COL16A1: variants seen among roughly 807,000 people sequenced by gnomAD.
COL16A1 encodes the protein collagen alpha-1(XVI) chain.
A neutral mutation model predicts 266.3 loss-of-function variants in COL16A1; 189 were observed. That is an observed-to-expected ratio of 0.71 (90% CI 0.63 to 0.80). COL16A1 has a LOEUF of 0.80. Ranked by LOEUF, COL16A1 falls within the 30% of genes least tolerant of loss-of-function variation. The probability of loss-of-function intolerance (pLI) is 0.00; values close to 1 mark genes in which losing one functional copy is unlikely to be tolerated. For missense variants in COL16A1, 1,928 were observed against 2,122.4 expected (o/e 0.91, Z 1.80); for synonymous variants, 740 against 782.3 (o/e 0.95, Z 0.90).
intron 37 of COL16A1, 92 bp from the exon 38 acceptor site, chr1:31,681,159 G>A (rs954126022): frequency 5.4e-6 from 8 of 1,493,178 alleles, no homozygotes; most frequent in Admixed American, 4.7e-5. Flanking sequence ...ACAAACAGAA[G>A]CAGCGCCAGG....
Position 31,688,822 on chromosome 1 carries a change from G to A in COL16A1, c.1767+39C>T, listed in dbSNP as rs1644115889. 3 of 1,577,852 alleles carry A rather than the reference G, an allele frequency of 1.9e-6. No individual in the cohort carries two copies. In the East Asian group the frequency reaches 6.9e-5, roughly 36 times the overall value. On this transcript the variant is annotated intron_variant, in intron 25 of 70. Transcript: ENST00000373672. The surrounding 1 kb of genome is among the most constrained non-coding windows in gnomAD (Gnocchi z 4.9). The stretch of plus-strand genomic sequence containing the variant: ...GGGAGATCAACAGTATGGCAAGGAT[G>A]GCTGAACTGGGCTGGGCTGGGAGAA...
intron 44 of COL16A1, 113 bp downstream of exon 44, chr1:31,674,894 C>T: frequency 6.7e-7 from 1 of 1,497,306 alleles, no homozygotes; most frequent in Non-Finnish European, 9.0e-7. Flanking sequence ...ATGCGTATTC[C>T]CTGCAAACTG....
rs758350041 is a variant in COL16A1 at position 31,679,650 on chromosome 1, A to AG, written c.2753dup (p.Gly919TrpfsTer30). Reference sequence around the variant, plus strand: ...CCTTTACCTGCAGCCCAGGTACTCCAGGGGGGCCTGGTGGTCCGGGAATAC... The same window carrying AG: ...CCTTTACCTGCAGCCCAGGTACTCCAGGGGGGGCCTGGTGGTCCGGGAATAC... On this transcript the variant is annotated frameshift_variant, in exon 42 of 71. Transcript: ENST00000373672. LOFTEE classifies it high-confidence loss of function. 3.1e-6 allele frequency: 5 copies of AG among 1,614,132 alleles called. 1 individual carries two copies. The highest frequency in any genetic ancestry group is 8.5e-7 in the Non-Finnish European group (1 of 1,180,006).
In COL16A1 at chr1:31,670,608, T is replaced by G; in HGVS notation, c.3189A>C (p.Gly1063=). 1.4e-6 allele frequency: 2 copies of G among 1,406,842 alleles called. No homozygotes were observed. Among genetic ancestry groups the G allele is most frequent in the Non-Finnish European group, 1.8e-6 (2 of 1,082,562 alleles). 87.1% of individuals were successfully genotyped at this position (1,406,842 alleles called of 1,614,324 possible). A position where few individuals can be genotyped will look rare whatever the true frequency, so the allele number is the denominator to read the frequency against. Residue 1063 remains glycine (G), a synonymous_variant, in exon 49 of 71, where the codon GGA becomes GGC. Transcript: ENST00000373672. The surrounding 1 kb of genome is among the most constrained non-coding windows in gnomAD (Gnocchi z 4.5). ...AGCAGCGCTAGGTTCTTACAGGCAATCCGGGGGAGCCAACAGCACCAGGAA... is the reference window on the plus strand; with the variant it reads ...AGCAGCGCTAGGTTCTTACAGGCAAGCCGGGGGAGCCAACAGCACCAGGAA... The part of the protein sequence containing the change: ...PGFPGAVGSP[G]LPGLQGERGL...
chr1:31,683,817 C>G, intron 33 of COL16A1, 69 bp from the exon 34 acceptor site: 1 of 1,611,746 alleles, frequency 6.2e-7, no homozygotes, highest in South Asian at 1.1e-5. Flanking sequence ...TCCCCAGCCC[C>G]TTCTCCTCCA....
In COL16A1 at chr1:31,668,126, A is replaced by C; in HGVS notation, c.3303+39T>G. 6.3e-7 allele frequency: 1 copy of C among 1,576,228 alleles called. No individual in the cohort carries two copies. Among genetic ancestry groups the C allele is most frequent in the Non-Finnish European group, 8.7e-7 (1 of 1,154,318 alleles). ...CTGACCACCAGCCCAAACCTCTGGT[A>C]CCTGGCACCCACTCCCCAGCAAGGG... is the stretch of plus-strand genomic sequence containing the variant. On this transcript the variant is annotated intron_variant, in intron 51 of 70. Coordinates refer to ENST00000373672, the MANE Select transcript of COL16A1 (RefSeq NM_001856.4). This position sits in a 1 kb window ranked among gnomAD's most constrained non-coding sequence, Gnocchi z 5.8.
Position 31,670,064 on chromosome 1 carries a change from C to A in COL16A1, c.3195+538G>T, listed in dbSNP as rs1557633858. Reference sequence around the variant, plus strand: ...TAAATCCCTGGGTGCCTCTGGACAGCCCTGCCAAGCAGCAGGGCAGCAAAC... The same window carrying A: ...TAAATCCCTGGGTGCCTCTGGACAGACCTGCCAAGCAGCAGGGCAGCAAAC... On this transcript the variant is annotated intron_variant, in intron 49 of 70. Transcript: ENST00000373672. This position sits in a 1 kb window ranked among gnomAD's most constrained non-coding sequence, Gnocchi z 4.5. The A allele has an allele frequency of 1.3e-5, 2 of 152,638 alleles. No individual in the cohort carries two copies. 9.5% of individuals were successfully genotyped at this position (152,638 alleles called of 1,614,324 possible). A position where few individuals can be genotyped will look rare whatever the true frequency, so the allele number is the denominator to read the frequency against.
In COL16A1 at chr1:31,692,580, C is replaced by G. The variant is rs777238596; in HGVS notation, c.1158+18G>C. 1 of 1,614,154 alleles carries G rather than the reference C, an allele frequency of 6.2e-7. No individual in the cohort carries two copies. Among genetic ancestry groups the G allele is most frequent in the Non-Finnish European group, 8.5e-7 (1 of 1,180,006 alleles). On this transcript the variant is annotated intron_variant, in intron 15 of 70. Coordinates refer to ENST00000373672, the MANE Select transcript of COL16A1 (RefSeq NM_001856.4). ...CCTGGACCCACCATCCCTGCCCTATCCCTGGTCCCACACTCACCAGAGCTC... is the reference window on the plus strand; with the variant it reads ...CCTGGACCCACCATCCCTGCCCTATGCCTGGTCCCACACTCACCAGAGCTC...
At chr1:31,653,707 C>G in intron 69 of COL16A1, 31 bp from the exon 70 acceptor site, 1 of 1,603,042 alleles carries the variant, frequency 6.2e-7, no homozygotes, top group Non-Finnish European at 8.5e-7. Context: ...AAGTCCTATC[C>G]CTGAGCAGAA....
Position 31,698,195 on chromosome 1 carries a change from A to C in COL16A1, c.391-23T>G, listed in dbSNP as rs758865768. 7 of 1,611,872 alleles carry C rather than the reference A, an allele frequency of 4.3e-6. No homozygotes were observed. Among genetic ancestry groups the C allele is most frequent in the South Asian group, 1.1e-5 (1 of 90,976 alleles). ...TATCTGGGTAGAATTTGGAAAGGGA[A>C]AGGACAGAGATTCAGAGCTCCAGAG... On this transcript the variant is annotated intron_variant, in intron 5 of 70. Transcript: ENST00000373672. The surrounding 1 kb of genome is among the most constrained non-coding windows in gnomAD (Gnocchi z 4.1).
At chr1:31,676,899 C>T (rs1300993665) in intron 42 of COL16A1, among the ~76,000 whole-genome samples, 1 of 152,166 alleles carries the variant, frequency 6.6e-6, no homozygotes, top group Non-Finnish European at 1.5e-5. Context: ...CCTTCAAGTC[C>T]CAGCTCCCAG....
At position 31,653,635 on chromosome 1, in the gene COL16A1, C is replaced by T. The variant is rs1334193552; in HGVS notation, c.4576G>A (p.Gly1526Ser). The T allele has an allele frequency of 1.9e-6, 3 of 1,613,822 alleles. No individual in the cohort carries two copies. Among genetic ancestry groups the T allele is most frequent in the Admixed American group, 1.7e-5 (1 of 59,984 alleles). Residue 1526 changes from glycine to serine, a missense_variant, in exon 70 of 71, where the codon GGC (glycine) becomes AGC (serine). By Grantham distance (56) the Gly-to-Ser change is moderately conservative. Transcript: ENST00000373672. ...TKGEKGDIGI[G>S]IAGENGLPGP... ...GGAAGACCATTTTCTCCTGCAATGC[C>T]AATACCAATGTCCCCTTTTTCACCT...
intron 33 of COL16A1, 63 bp from the exon 34 acceptor site, chr1:31,683,811 C>T (rs1643825222): frequency 5.6e-6 from 9 of 1,612,280 alleles, no homozygotes; most frequent in African/African-American, 5.3e-5. Flanking sequence ...CCCTTCTCCC[C>T]AGCCCCTTCT....
chr1:31,670,628 C>T lies in COL16A1; in HGVS notation c.3169G>A (p.Gly1057Ser), dbSNP rs1042292548. ...PGPIGPPGFP[G>S]AVGSPGLPGL... is the part of the protein sequence containing the mutation. ...GGCAATCCGGGGGAGCCAACAGCAC[C>T]AGGAAAACCTGGGGGGCCCTGGTGG... is the stretch of plus-strand genomic sequence containing the variant. The change falls in exon 49 of 71, where the codon GGT (glycine) becomes AGT (serine). Residue 1057 changes from glycine (G) to serine (S), a missense_variant. By Grantham distance (56) the Gly-to-Ser change is moderately conservative. Coordinates refer to ENST00000373672, the MANE Select transcript of COL16A1 (RefSeq NM_001856.4). This position sits in a 1 kb window ranked among gnomAD's most constrained non-coding sequence, Gnocchi z 4.5. 13 of 1,423,972 alleles carry T rather than the reference C, an allele frequency of 9.1e-6. No individual in the cohort carries two copies. In the African/African-American group the frequency reaches 1.7e-4, roughly 18 times the overall value. 88.2% of individuals were successfully genotyped at this position (1,423,972 alleles called of 1,614,324 possible).
Position 31,652,917 on chromosome 1 carries a change from T to C in COL16A1, c.4613-64A>G. ...CCAGATCATAAGGGAAAAGAAGCCATAATGGCATCAAATAATACCTTACAT... is the reference window on the plus strand; with the variant it reads ...CCAGATCATAAGGGAAAAGAAGCCACAATGGCATCAAATAATACCTTACAT... On this transcript the variant is annotated intron_variant, in intron 70 of 70. Coordinates refer to ENST00000373672, the MANE Select transcript of COL16A1 (RefSeq NM_001856.4). This position sits in a 1 kb window ranked among gnomAD's most constrained non-coding sequence, Gnocchi z 4.8. The C allele has an allele frequency of 1.4e-6, 2 of 1,388,446 alleles. No homozygotes were observed. Among genetic ancestry groups the C allele is most frequent in the Non-Finnish European group, 1.9e-6 (2 of 1,058,962 alleles). 86.0% of individuals were successfully genotyped at this position (1,388,446 alleles called of 1,614,324 possible).
Position 31,688,289 on chromosome 1 carries a change from G to A in COL16A1, c.1803+178C>T, listed in dbSNP as rs1644090027. Among the ~76,000 whole-genome samples, 1 of 152,078 alleles carries A rather than the reference G, an allele frequency of 6.6e-6. No homozygotes were observed. The highest frequency in any genetic ancestry group is 1.5e-5 in the Non-Finnish European group (1 of 68,022). Reference sequence around the variant, plus strand: ...TAAGGAATTCTCTTACAGAACATGAGGGCTCTCAGAAATAAATTCTTTGAC... The same window carrying A: ...TAAGGAATTCTCTTACAGAACATGAAGGCTCTCAGAAATAAATTCTTTGAC... On this transcript the variant is annotated intron_variant, in intron 26 of 70. Coordinates refer to ENST00000373672, the MANE Select transcript of COL16A1 (RefSeq NM_001856.4). This position sits in a 1 kb window ranked among gnomAD's most constrained non-coding sequence, Gnocchi z 4.9.
intron 69 of COL16A1, 71 bp from the exon 70 acceptor site, chr1:31,653,747 AC>A: frequency 8.6e-6 from 1 of 116,920 alleles, no homozygotes. Flanking sequence ...ATTACTTGAA[AC>A]ACACACACAC....
intron 12 of COL16A1, among the ~76,000 whole-genome samples, chr1:31,693,458 A>C (rs1414187993): frequency 1.3e-5 from 2 of 152,202 alleles, no homozygotes; most frequent in African/African-American, 2.4e-5. Flanking sequence ...CACACAGCAC[A>C]GCCGGAGGCA....
chr1:31,697,357 G>A lies in COL16A1; in HGVS notation c.658-57C>T. ...ATTTTATCAAATAGCTCTGTGTCCT[G>A]GCCCCCCAGGAGGCACAGAGATGTC... is the stretch of plus-strand genomic sequence containing the variant. On this transcript the variant is annotated intron_variant, in intron 6 of 70. Transcript: ENST00000373672. This position sits in a 1 kb window ranked among gnomAD's most constrained non-coding sequence, Gnocchi z 4.2. 2.7e-6 allele frequency: 4 copies of A among 1,505,448 alleles called. No homozygotes were observed. The highest frequency in any genetic ancestry group is 3.6e-6 in the Non-Finnish European group (4 of 1,109,574). The allele number at this position is 1,505,448 out of a possible 1,614,324, so 93.3% of individuals were successfully genotyped here.
Sources: allele counts gnomAD v4.1 joint callset (sites outside exome capture counted in the v4.1 genomes callset), GRCh38; gene constraint gnomAD v4.1.1; non-coding constraint Gnocchi (gnomAD v3.1); transcripts MANE v1.5; gene names NCBI Gene and HGNC (gene_info 2026-07-23, HGNC 2026-07-21).